The following TAFA4 variants were observed in gnomAD, a reference collection of about 807,000 sequenced individuals.
The protein encoded by TAFA4 is TAFA chemokine like family member 4.
A neutral mutation model predicts 21.1 loss-of-function variants in TAFA4; 20 were observed. The ratio of observed to expected loss-of-function variants is 0.95; its 90% CI spans 0.67 to 1.38. TAFA4 has a LOEUF of 1.38. Among genes scored for constraint, TAFA4 ranks in the 40% most tolerant of loss-of-function variants. TAFA4 has a pLI of 0.00. For synonymous variants in TAFA4, 71 were observed against 67.4 expected (o/e 1.05, Z -0.26); for missense variants, 211 against 180.9 (o/e 1.17, Z -0.95).
intron 5 of TAFA4, among the ~76,000 whole-genome samples, chr3:68,735,515 C>T (rs1702224158): frequency 6.6e-6 from 1 of 152,112 alleles, no homozygotes; most frequent in Non-Finnish European, 1.5e-5. Flanking sequence ...CTATCCCAGA[C>T]TTACTACACC....
At chr3:68,736,682 T>C (rs1257355713) in intron 5 of TAFA4, among the ~76,000 whole-genome samples, 1 of 152,086 alleles carries the variant, frequency 6.6e-6, no homozygotes, top group Non-Finnish European at 1.5e-5. Context: ...TTACCTGTGG[T>C]GTAAGGTCAG....
intron 3 of TAFA4, among the ~76,000 whole-genome samples, chr3:68,808,841 T>G (rs1448241255): frequency 6.6e-6 from 1 of 152,220 alleles, no homozygotes; most frequent in Non-Finnish European, 1.5e-5. Context: ...CTACTGAAAA[T>G]GAGCCATGTT....
intron 3 of TAFA4, among the ~76,000 whole-genome samples, chr3:68,780,267 T>C (rs1703130058): frequency 6.6e-6 from 1 of 152,236 alleles, no homozygotes; most frequent in African/African-American, 2.4e-5. Context: ...GACAATGGAC[T>C]GTGAACTTTT....
chr3:68,873,237 T>C (rs1029557354), intron 3 of TAFA4, among the ~76,000 whole-genome samples: 1 of 151,620 alleles, frequency 6.6e-6, no homozygotes, highest in African/African-American at 2.4e-5. Flanking sequence ...ACAACCTTGC[T>C]CTCACCTGGA....
At chr3:68,930,403 ACTTAT>A (rs2090148806) in intron 1 of TAFA4, among the ~76,000 whole-genome samples, 1 of 152,140 alleles carries the variant, frequency 6.6e-6, no homozygotes, top group Admixed American at 6.5e-5. Flanking sequence ...AGGACAACTT[ACTTAT>A]CTTTAGCAGG....
At chr3:68,922,818 T>C (rs936475850) in intron 1 of TAFA4, among the ~76,000 whole-genome samples, 1 of 152,226 alleles carries the variant, frequency 6.6e-6, no homozygotes, top group Non-Finnish European at 1.5e-5. Flanking sequence ...TAGTATATTT[T>C]GTACATGTGT....
intron 3 of TAFA4, among the ~76,000 whole-genome samples, chr3:68,862,408 G>A (rs1322949426): frequency 6.6e-6 from 1 of 152,178 alleles, no homozygotes; most frequent in Non-Finnish European, 1.5e-5. Flanking sequence ...GTAGACAGAT[G>A]TGTTGCTGTT....
chr3:68,800,490 G>A (rs1269172242), intron 3 of TAFA4, among the ~76,000 whole-genome samples: 1 of 152,202 alleles, frequency 6.6e-6, no homozygotes, highest in African/African-American at 2.4e-5. Context: ...GTCACTTACA[G>A]AATCAAACTT....
intron 3 of TAFA4, among the ~76,000 whole-genome samples, chr3:68,755,777 A>C (rs1363951988): frequency 6.6e-6 from 1 of 152,158 alleles, no homozygotes; most frequent in South Asian, 2.1e-4. Context: ...GTAAACTTGC[A>C]AACAGACTCC....
chr3:68,813,821 A>G (rs35445692), intron 3 of TAFA4, among the ~76,000 whole-genome samples: 1 of 151,740 alleles, frequency 6.6e-6, no homozygotes, highest in Non-Finnish European at 1.5e-5. Flanking sequence ...TTTTATGAGG[A>G]CAGCATCATC....
At chr3:68,917,441 C>T (rs2090013885) in intron 1 of TAFA4, among the ~76,000 whole-genome samples, 1 of 152,082 alleles carries the variant, frequency 6.6e-6, no homozygotes, top group Non-Finnish European at 1.5e-5. Flanking sequence ...CCCTGTGTGT[C>T]AGTGTGGAAC....
At chr3:68,831,982 C>G (rs1228371141) in intron 3 of TAFA4, among the ~76,000 whole-genome samples, 1 of 152,184 alleles carries the variant, frequency 6.6e-6, no homozygotes, top group Non-Finnish European at 1.5e-5. Flanking sequence ...GCTACTGAAG[C>G]TTGTGTATGC....
intron 3 of TAFA4, among the ~76,000 whole-genome samples, chr3:68,798,124 T>C (rs1703491983): frequency 6.6e-6 from 1 of 152,220 alleles, no homozygotes; most frequent in Admixed American, 6.5e-5. Context: ...CCTGTTTTTA[T>C]TAAAAGGTGG....
At chr3:68,833,036 T>A (rs1243994898) in intron 3 of TAFA4, among the ~76,000 whole-genome samples, 3 of 152,246 alleles carry the variant, frequency 2.0e-5, no homozygotes, top group Non-Finnish European at 1.5e-5. Context: ...AACCTCCTGG[T>A]CTGCCTGTTG....
rs1206098281 is a variant in TAFA4, at chr3:68,897,622, A to G, written c.-122-12312T>C. Among the ~76,000 whole-genome samples, 6 of 144,210 alleles carry G rather than the reference A, an allele frequency of 4.2e-5. No homozygotes were observed. In the Admixed American group the frequency reaches 4.3e-4, roughly 10 times the overall value. The allele number at this position is 144,210 out of a possible 152,430, so 94.6% of individuals were successfully genotyped here. A position where few individuals can be genotyped will look rare whatever the true frequency, so the allele number is the denominator to read the frequency against. The stretch of plus-strand genomic sequence containing the variant: ...TTCTGGGCAACAAAAGCGAAACTCC[A>G]TCTCAAAAAAAAAAAATATTTATTT... On this transcript the variant is annotated intron_variant, in intron 1 of 5. Transcript: ENST00000295569.
chr3:68,736,900 T>C (rs1702251206), intron 5 of TAFA4, among the ~76,000 whole-genome samples: 1 of 151,558 alleles, frequency 6.6e-6, no homozygotes, highest in Non-Finnish European at 1.5e-5. Context: ...AGTATCATGA[T>C]GGCTTGGGGA....
At chr3:68,794,927 G>A (rs189647133) in intron 3 of TAFA4, among the ~76,000 whole-genome samples, 164 of 150,584 alleles carry the variant, frequency 1.1e-3, no homozygotes, top group African/African-American at 3.8e-3. Flanking sequence ...AGTAGATATA[G>A]ATGAAAAAAC....
intron 3 of TAFA4, among the ~76,000 whole-genome samples, chr3:68,879,929 A>G (rs1378958100): frequency 1.3e-5 from 2 of 152,204 alleles, no homozygotes; most frequent in Non-Finnish European, 2.9e-5. Context: ...TCAGATTACC[A>G]AAGCTGAGAG....
At chr3:68,821,068 G>T (rs1317655628) in intron 3 of TAFA4, among the ~76,000 whole-genome samples, 1 of 152,132 alleles carries the variant, frequency 6.6e-6, no homozygotes, top group Non-Finnish European at 1.5e-5. Flanking sequence ...TCACTAATGT[G>T]CTGTGTGTTT....
Sources: gnomAD v4.1 joint callset for allele counts (sites outside exome capture counted in the v4.1 genomes callset) on GRCh38, gnomAD v4.1.1 for gene constraint, MANE v1.5 for transcripts, NCBI Gene and HGNC (gene_info 2026-07-23, HGNC 2026-07-21) for gene names.